HIVEP1: variants seen among roughly 807,000 people sequenced by gnomAD.
HIVEP1 encodes HIVEP zinc finger 1, also known as zinc finger protein 40.
HIVEP1 carries 36 observed loss-of-function variants against 180.0 expected under a neutral mutation model. The ratio of observed to expected loss-of-function variants is 0.20; its 90% CI spans 0.15 to 0.26. The LOEUF (loss-of-function observed/expected upper bound fraction) is 0.26, where lower values mean the gene tolerates loss of function less well. Among genes scored for constraint, HIVEP1 ranks in the 10% least tolerant of loss-of-function variants. The pLI, the probability that HIVEP1 is intolerant of heterozygous loss-of-function variation, is 1.00. For missense variants in HIVEP1, 3,143 were observed against 3,268.7 expected (o/e 0.96, Z 0.94); for synonymous variants, 1,239 against 1,239.0 (o/e 1.00, Z 0.00).
chr6:12,042,173 G>A (rs865987807), intron 2 of HIVEP1, among the ~76,000 whole-genome samples: 11 of 147,062 alleles, frequency 7.5e-5, no homozygotes, highest in Middle Eastern at 3.3e-3. Flanking sequence ...TCCGCTTCCC[G>A]GGTTCACGCC....
intron 5 of HIVEP1, among the ~76,000 whole-genome samples, 169 bp downstream of exon 5, chr6:12,130,061 T>C (rs1005793845): frequency 3.3e-5 from 5 of 152,222 alleles, no homozygotes; most frequent in Admixed American, 6.5e-5. Flanking sequence ...TGTTAAATCA[T>C]TTTATTTTGA....
chr6:12,208,467 A>C, the HIVEP1 span, among the ~76,000 whole-genome samples: 3 of 152,182 alleles, frequency 2.0e-5, no homozygotes, highest in African/African-American at 7.2e-5. Flanking sequence ...GCCTCCTTGC[A>C]GGGCGGTTCC....
In HIVEP1 at chr6:12,122,179, A is replaced by G; in HGVS notation, c.2384A>G (p.Asp795Gly). Residue 795 changes from aspartate to glycine, a missense_variant, in exon 4 of 9, where the codon GAT becomes GGT. Physicochemically the swap from Asp to Gly is moderately conservative, Grantham distance 94. Coordinates refer to ENST00000379388, the MANE Select transcript of HIVEP1 (RefSeq NM_002114.4). The part of the protein sequence containing the change: ...SYIFKDSFQF[D>G]LKPVGRRTSS... Reference sequence around the variant, plus strand: ...ATATTTAAAGATTCTTTCCAGTTTGATTTAAAACCAGTGGGACGGAGAACA... The same window carrying G: ...ATATTTAAAGATTCTTTCCAGTTTGGTTTAAAACCAGTGGGACGGAGAACA... 1 of 1,614,200 alleles carries G rather than the reference A, an allele frequency of 6.2e-7. No individual in the cohort carries two copies. The highest frequency in any genetic ancestry group is 1.1e-5 in the South Asian group (1 of 91,086).
the HIVEP1 span, among the ~76,000 whole-genome samples, chr6:12,191,379 C>G: frequency 6.6e-6 from 1 of 152,186 alleles, no homozygotes; most frequent in African/African-American, 2.4e-5. Flanking sequence ...GGCTTGAGCC[C>G]AGGAGTTCAA....
intron 7 of HIVEP1, among the ~76,000 whole-genome samples, chr6:12,150,510 A>G (rs756874294): frequency 5.3e-5 from 8 of 152,226 alleles, no homozygotes; most frequent in Non-Finnish European, 8.8e-5. Flanking sequence ...AAAATAATTT[A>G]GGTGCATTTT....
intron 2 of HIVEP1, among the ~76,000 whole-genome samples, chr6:12,037,008 T>G (rs1271684457): frequency 6.6e-6 from 1 of 152,026 alleles, no homozygotes; most frequent in African/African-American, 2.4e-5. Flanking sequence ...ATCATTTGGG[T>G]GGAGGCTGGC....
chr6:12,130,880 G>T lies in HIVEP1; in HGVS notation c.6323G>T (p.Arg2108Leu). The T allele has an allele frequency of 6.2e-7, 1 of 1,613,236 alleles. No individual in the cohort carries two copies. Among genetic ancestry groups the T allele is most frequent in the Non-Finnish European group, 8.5e-7 (1 of 1,179,358 alleles). Residue 2108 changes from arginine (R) to leucine (L), a missense_variant, in exon 6 of 9, where the codon CGA (arginine) becomes CTA (leucine). Coordinates refer to ENST00000379388, the MANE Select transcript of HIVEP1 (RefSeq NM_002114.4). The part of the protein sequence containing the change: ...KKPSMLKKHI[R>L]THTDVRPYHC... Reference sequence around the variant, plus strand: ...CCTAGCATGTTAAAGAAACACATACGAACCCATACAGATGTCCGCCCCTAC... The same window carrying T: ...CCTAGCATGTTAAAGAAACACATACTAACCCATACAGATGTCCGCCCCTAC...
chr6:12,185,875 A>G, the HIVEP1 span, among the ~76,000 whole-genome samples: 39 of 152,196 alleles, frequency 2.6e-4, no homozygotes, highest in African/African-American at 8.2e-4. Flanking sequence ...TTTGAAAAAC[A>G]TTTTGCTGGT....
Position 12,164,690 on chromosome 6 carries a change from T to G in HIVEP1, c.*229T>G. The G allele has an allele frequency of 2.5e-6, 1 of 403,326 alleles. No homozygotes were observed. The highest frequency in any genetic ancestry group is 4.3e-5 in the East Asian group (1 of 23,518). The allele number at this position is 403,326 out of a possible 1,614,324, so 25.0% of individuals were successfully genotyped here. On this transcript the variant is annotated 3_prime_UTR_variant, in exon 9 of 9. Transcript: ENST00000379388. Reference sequence around the variant, plus strand: ...CTTTATGTTTAGAAACTGTACAGATTGTTGAATATCTATATACATAAAAAT... The same window carrying G: ...CTTTATGTTTAGAAACTGTACAGATGGTTGAATATCTATATACATAAAAAT...
chr6:12,180,528 AATT>A, the HIVEP1 span, among the ~76,000 whole-genome samples: 1 of 152,330 alleles, frequency 6.6e-6, no homozygotes, highest in East Asian at 1.9e-4. Context: ...GTTTCTCCAA[AATT>A]ATTATTGTTT....
intron 3 of HIVEP1, among the ~76,000 whole-genome samples, chr6:12,115,345 C>G (rs1168826618): frequency 8.4e-6 from 1 of 118,508 alleles, no homozygotes; most frequent in South Asian, 2.5e-4. Context: ...ACTTCCCCAA[C>G]TATTCTTTTT....
the HIVEP1 span, among the ~76,000 whole-genome samples, chr6:12,210,515 C>G: frequency 1.6e-4 from 25 of 152,050 alleles, no homozygotes; most frequent in Non-Finnish European, 5.9e-5. Context: ...ATCAATAATG[C>G]TGTTAGATGT....
At chr6:12,168,136 A>G (rs1351938748), downstream of HIVEP1, among the ~76,000 whole-genome samples, 3 of 107,046 alleles carry the variant, frequency 2.8e-5, 1 homozygote, top group African/African-American at 1.1e-4. Context: ...ATATACGTGT[A>G]TATCTATATT....
At chr6:12,059,891 T>G (rs1314286064) in intron 2 of HIVEP1, among the ~76,000 whole-genome samples, 2 of 152,184 alleles carry the variant, frequency 1.3e-5, no homozygotes, top group African/African-American at 4.8e-5. Flanking sequence ...AGAATTCAAG[T>G]TTTTAAATTG....
the HIVEP1 span, among the ~76,000 whole-genome samples, chr6:12,206,058 T>C: frequency 6.6e-6 from 1 of 152,304 alleles, no homozygotes; most frequent in African/African-American, 2.4e-5. Flanking sequence ...GTAATCAAGT[T>C]AACGAGGTCA....
At chr6:12,027,964 AT>A (rs1447255705) in intron 2 of HIVEP1, among the ~76,000 whole-genome samples, 1 of 152,030 alleles carries the variant, frequency 6.6e-6, no homozygotes, top group Non-Finnish European at 1.5e-5. Flanking sequence ...GTTTTAATTT[AT>A]TTTGCTTAAG....
At chr6:12,076,600 A>G (rs1772366430) in intron 2 of HIVEP1, among the ~76,000 whole-genome samples, 1 of 152,212 alleles carries the variant, frequency 6.6e-6, no homozygotes, top group African/African-American at 2.4e-5. Flanking sequence ...GTGTCCTCAC[A>G]TGGCTGAAGA....
At chr6:12,210,626 G>C in the HIVEP1 span, among the ~76,000 whole-genome samples, 5 of 152,086 alleles carry the variant, frequency 3.3e-5, no homozygotes, top group Admixed American at 3.3e-4. Context: ...ATCATCTCCC[G>C]GCTTGCAGTA....
chr6:12,164,758 A>C lies in HIVEP1; in HGVS notation c.*297A>C, dbSNP rs1304976983. On this transcript the variant is annotated 3_prime_UTR_variant, in exon 9 of 9. Transcript: ENST00000379388. ...GAAAACCAGGTAGTTATTTGTGTTTAGTAAGGAAAACCTGTCAAATAAATC... is the reference window on the plus strand; with the variant it reads ...GAAAACCAGGTAGTTATTTGTGTTTCGTAAGGAAAACCTGTCAAATAAATC... 5.1e-6 allele frequency: 1 copy of C among 196,150 alleles called. No individual in the cohort carries two copies. Among genetic ancestry groups the C allele is most frequent in the Non-Finnish European group, 1.0e-5 (1 of 96,998 alleles). The allele number at this position is 196,150 out of a possible 1,614,324, so 12.2% of individuals were successfully genotyped here.
Sources: allele counts gnomAD v4.1 joint callset (sites outside exome capture counted in the v4.1 genomes callset), GRCh38; gene constraint gnomAD v4.1.1; transcripts MANE v1.5; gene names NCBI Gene and HGNC (gene_info 2026-07-23, HGNC 2026-07-21).